USP34: variants seen among roughly 807,000 people sequenced by gnomAD.
USP34 encodes the protein ubiquitin specific peptidase 34, also known as ubiquitin carboxyl-terminal hydrolase 34.
In USP34, 70 loss-of-function variants were observed where a neutral mutation model predicts 460.3. That is an observed-to-expected ratio of 0.15 (90% CI 0.13 to 0.19). The LOEUF (loss-of-function observed/expected upper bound fraction) is 0.19. Among genes scored for constraint, USP34 ranks in the 10% least tolerant of loss-of-function variants. The pLI, the probability that USP34 is intolerant of heterozygous loss-of-function variation, is 1.00. For synonymous variants in USP34, 1,647 were observed against 1,405.3 expected (o/e 1.17, Z -3.85); for missense variants, 3,985 against 4,236.2 (o/e 0.94, Z 1.65).
At chr2:61,421,396 G>T (rs1424309960) in intron 1 of USP34, among the ~76,000 whole-genome samples, 7 of 152,142 alleles carry the variant, frequency 4.6e-5, no homozygotes, top group Non-Finnish European at 8.8e-5. Context: ...GGAAGCTTGA[G>T]AACATTCAGT....
At chr2:61,450,034 C>G (rs1695225705) in intron 1 of USP34, among the ~76,000 whole-genome samples, 1 of 151,970 alleles carries the variant, frequency 6.6e-6, no homozygotes, top group South Asian at 2.1e-4. Flanking sequence ...CCACTGCACT[C>G]CAGCCTGGGC....
At chr2:61,407,951 C>T (rs553941694) in intron 2 of USP34, among the ~76,000 whole-genome samples, 26 of 152,134 alleles carry the variant, frequency 1.7e-4, no homozygotes, top group South Asian at 4.1e-4. Context: ...CCCATCTCTA[C>T]TAAAAATACA....
At chr2:61,370,926 G>T (rs1466766544) in intron 8 of USP34, among the ~76,000 whole-genome samples, 1 of 152,156 alleles carries the variant, frequency 6.6e-6, no homozygotes, top group South Asian at 2.1e-4. Context: ...CTCAGGAAAG[G>T]TTTCCCAGTA....
chr2:61,187,518 A>G lies in USP34; in HGVS notation c.*584T>C. On this transcript the variant is annotated 3_prime_UTR_variant, in exon 80 of 80. Coordinates refer to ENST00000398571, the MANE Select transcript of USP34 (RefSeq NM_014709.4). ...TGCACAGAATAGCAATCAATCAATCAGTCATGTCAATAAAAATAAAACAAT... is the reference window on the plus strand; with the variant it reads ...TGCACAGAATAGCAATCAATCAATCGGTCATGTCAATAAAAATAAAACAAT... The G allele has an allele frequency of 6.1e-6, 6 of 982,486 alleles. No homozygotes were observed. The East Asian group carries it at 5.6e-4, about 92-fold the overall frequency. 60.9% of individuals were successfully genotyped at this position (982,486 alleles called of 1,614,324 possible).
intron 1 of USP34, among the ~76,000 whole-genome samples, chr2:61,423,865 G>A (rs1553388130): frequency 6.6e-6 from 1 of 152,190 alleles, no homozygotes; most frequent in Non-Finnish European, 1.5e-5. Context: ...GATAACGTGG[G>A]AGAATGGCTT....
intron 41 of USP34, among the ~76,000 whole-genome samples, chr2:61,267,413 T>C (rs1386858993): frequency 6.6e-6 from 1 of 152,084 alleles, no homozygotes; most frequent in African/African-American, 2.4e-5. Context: ...ACGTTAAGTT[T>C]AGCTAGGAAA....
chr2:61,417,639 G>A (rs182748964), intron 2 of USP34, among the ~76,000 whole-genome samples: 1 of 147,016 alleles, frequency 6.8e-6, no homozygotes, highest in East Asian at 2.0e-4. Context: ...ATTCTCTGTA[G>A]TTTCTCAAAG....
At position 61,229,121 on chromosome 2, in the gene USP34, TTAAG is replaced by T. The variant is rs1355571142; in HGVS notation, c.7200-130_7200-127del. The T allele has an allele frequency of 1.3e-4, 84 of 655,560 alleles. No individual in the cohort carries two copies. The East Asian group carries it at 2.4e-3, about 19-fold the overall frequency. The allele number at this position is 655,560 out of a possible 1,614,324, so 40.6% of individuals were successfully genotyped here. ...GATAATGAATATGAACCGCAATAAC[TTAAG>T]TAGTTATTGTGACTGGCTAAATCAA... On this transcript the variant is annotated intron_variant, in intron 59 of 79. Coordinates refer to ENST00000398571, the MANE Select transcript of USP34 (RefSeq NM_014709.4).
In USP34 at chr2:61,470,638, G is replaced by GC; in HGVS notation, c.43+11dup. On this transcript the variant is annotated intron_variant, in intron 1 of 79. Coordinates refer to ENST00000398571, the MANE Select transcript of USP34 (RefSeq NM_014709.4). ...CCGTGCACCCCGACAGGCCGCTACC[G>GC]CGGCTACTTACTTTCATTTAACACC... 2 of 1,587,028 alleles carry GC rather than the reference G, an allele frequency of 1.3e-6. No homozygotes were observed. The highest frequency in any genetic ancestry group is 1.7e-5 in the Admixed American group (1 of 58,780).
At chr2:61,391,450 A>C (rs1456654218) in intron 5 of USP34, among the ~76,000 whole-genome samples, 1 of 152,186 alleles carries the variant, frequency 6.6e-6, no homozygotes, top group Non-Finnish European at 1.5e-5. Context: ...AGAGAAAAAG[A>C]AGTATTCAGT....
chr2:61,276,203 C>A (rs1018634092), intron 41 of USP34, among the ~76,000 whole-genome samples: 13 of 152,118 alleles, frequency 8.5e-5, no homozygotes, highest in Admixed American at 2.0e-4. Flanking sequence ...AGTGTGGCTA[C>A]AAGTGTAAAA....
intron 68 of USP34, among the ~76,000 whole-genome samples, chr2:61,212,508 C>T (rs1038451038): frequency 5.3e-5 from 8 of 152,006 alleles, no homozygotes; most frequent in Admixed American, 1.3e-4. Context: ...ATTTAAAATG[C>T]TTTTCTAGAA....
intron 67 of USP34, among the ~76,000 whole-genome samples, chr2:61,218,549 G>A (rs1687469586): frequency 6.6e-6 from 1 of 151,546 alleles, no homozygotes; most frequent in Admixed American, 6.6e-5. Flanking sequence ...CTCCACTTTA[G>A]ATTTCACTTG....
intron 41 of USP34, among the ~76,000 whole-genome samples, chr2:61,267,513 G>A (rs866034550): frequency 2.8e-4 from 42 of 151,546 alleles, no homozygotes; most frequent in Middle Eastern, 3.2e-3. Context: ...CACAATCTCG[G>A]CTCACTGCAA....
intron 48 of USP34, among the ~76,000 whole-genome samples, chr2:61,251,306 T>C (rs1028161072): frequency 1.3e-5 from 2 of 152,204 alleles, no homozygotes; most frequent in East Asian, 3.8e-4. Flanking sequence ...TAAAAAACTA[T>C]ATTTCAAAAG....
At chr2:61,316,039 T>TAA (rs539035606) in intron 23 of USP34, among the ~76,000 whole-genome samples, 84 of 126,546 alleles carry the variant, frequency 6.6e-4, no homozygotes, top group South Asian at 5.5e-3. Flanking sequence ...GTCTCTACTT[T>TAA]AAAAAAAAAA....
At chr2:61,236,512 T>G (rs1437891503) in intron 53 of USP34, 123 bp from the exon 54 acceptor site, 2 of 695,984 alleles carry the variant, frequency 2.9e-6, no homozygotes, top group East Asian at 2.9e-5. Context: ...CCATGCACTT[T>G]AAGTTCATTT....
chr2:61,257,586 T>C lies in USP34; in HGVS notation c.5845-236A>G, dbSNP rs115737292. On this transcript the variant is annotated intron_variant, in intron 44 of 79. Coordinates refer to ENST00000398571, the MANE Select transcript of USP34 (RefSeq NM_014709.4). ...TTGTATTTTCAAGTCAAGGAATTTC[T>C]AGGAAGAAATCTGAGACTCAAATGA... 6.3e-3 allele frequency among the ~76,000 whole-genome samples: 965 copies of C among 152,270 alleles called. 11 individuals carry two copies. The highest frequency in any genetic ancestry group is 0.022 in the African/African-American group (919 of 41,572).
intron 5 of USP34, among the ~76,000 whole-genome samples, chr2:61,385,149 T>C (rs548288152): frequency 5.3e-5 from 8 of 152,176 alleles, no homozygotes; most frequent in African/African-American, 1.9e-4. Flanking sequence ...AAGAACAGTA[T>C]CAAAAATATC....
Sources: gnomAD v4.1 joint callset for allele counts (sites outside exome capture counted in the v4.1 genomes callset) on GRCh38, gnomAD v4.1.1 for gene constraint, MANE v1.5 for transcripts, NCBI Gene and HGNC (gene_info 2026-07-23, HGNC 2026-07-21) for gene names.